LTN1: variants seen among roughly 807,000 people sequenced by gnomAD.
The protein encoded by LTN1 is listerin E3 ubiquitin protein ligase 1, also known as E3 ubiquitin-protein ligase listerin.
Under a neutral mutation model 201.2 loss-of-function variants are expected in LTN1, and 88 were observed. The observed-to-expected ratio is 0.44, with a 90% CI of 0.37 to 0.52. The LOEUF is 0.52. Ranked by LOEUF, LTN1 falls within the 20% of genes least tolerant of loss-of-function variation. The pLI, the probability that LTN1 is intolerant of heterozygous loss-of-function variation, is 0.00. For synonymous variants in LTN1, 645 were observed against 713.5 expected, an observed-to-expected ratio of 0.90 and a Z score of 1.53; for missense variants, 1,752 against 2,038.7, an observed-to-expected ratio of 0.86 and a Z score of 2.71.
At chr21:28,990,503 A>C (rs1200226548) in intron 1 of LTN1, among the ~76,000 whole-genome samples, 1 of 152,216 alleles carries the variant, frequency 6.6e-6, no homozygotes. Context: ...GGGTGCTCAA[A>C]CCATTAGGTG....
chr21:28,968,030 T>G lies in LTN1; in HGVS notation c.1312-851A>C, dbSNP rs1328690536. On this transcript the variant is annotated intron_variant, in intron 9 of 29. Coordinates refer to ENST00000361371, the MANE Select transcript of LTN1 (RefSeq NM_015565.3). ...TTTCCACTCACAGAAGGTAAAAAAT[T>G]GAAAAGTTCAATTTTCAAGAGAAAA... 1.4e-4 allele frequency: 21 copies of G among 152,186 alleles called. 1 individual carries two copies. Among genetic ancestry groups the G allele is most frequent in the Admixed American group, 1.3e-3 (20 of 15,288 alleles). The allele number at this position is 152,186 out of a possible 1,614,324, so 9.4% of individuals were successfully genotyped here. A position where few individuals can be genotyped will look rare whatever the true frequency, so the allele number is the denominator to read the frequency against.
In LTN1 at chr21:28,931,317, T is replaced by C; in HGVS notation, c.5076A>G (p.Gly1692=). Residue 1692 remains glycine, a synonymous_variant, in exon 29 of 30, where the codon GGA becomes GGG. Transcript: ENST00000361371. ...QLSTYLTHQN[G]SIMEGLALWK... is the part of the protein sequence containing the mutation. ...ATAAAGCTAAGCCTTCCATAATACT[T>C]CCATTCTGTTAACAAGAAGAAAAAT... The C allele has an allele frequency of 2.5e-6, 4 of 1,588,990 alleles. No individual in the cohort carries two copies. The highest frequency in any genetic ancestry group is 3.4e-6 in the Non-Finnish European group (4 of 1,167,096).
intron 1 of LTN1, among the ~76,000 whole-genome samples, chr21:28,991,473 G>C (rs1183671251): frequency 6.6e-6 from 1 of 152,124 alleles, no homozygotes; most frequent in African/African-American, 2.4e-5. Flanking sequence ...GATGTATTTA[G>C]GAGTTAAGAG....
intron 6 of LTN1, among the ~76,000 whole-genome samples, chr21:28,978,119 C>T (rs2084630947): frequency 6.6e-6 from 1 of 151,972 alleles, no homozygotes; most frequent in African/African-American, 2.4e-5. Context: ...GCCTTGACTT[C>T]CTGGGATCAA....
chr21:28,981,393 T>A, intron 5 of LTN1, 94 bp from the exon 6 acceptor site: 1 of 662,742 alleles, frequency 1.5e-6, no homozygotes, highest in South Asian at 5.4e-5. Flanking sequence ...TCATTAAATA[T>A]CTACCAAAGT....
intron 25 of LTN1, among the ~76,000 whole-genome samples, chr21:28,939,934 G>A (rs2084284437): frequency 6.6e-6 from 1 of 152,172 alleles, no homozygotes; most frequent in Non-Finnish European, 1.5e-5. Context: ...TGCTGCTTCT[G>A]TGATTTGACT....
chr21:28,947,653 C>T (rs2084349058), intron 18 of LTN1, 47 bp from the exon 19 acceptor site: 1 of 1,225,706 alleles, frequency 8.2e-7, no homozygotes, highest in Non-Finnish European at 1.1e-6. Context: ...TCCAAACATA[C>T]AGTTATTTTA....
chr21:28,972,749 C>T (rs138867626), intron 6 of LTN1, among the ~76,000 whole-genome samples: 34 of 152,152 alleles, frequency 2.2e-4, no homozygotes, highest in African/African-American at 7.0e-4. Context: ...GAAGGAAATA[C>T]CTAGAGATAA....
Position 28,930,525 on chromosome 21 carries a change from G to T in LTN1, c.5239-15C>A, listed in dbSNP as rs777165899. 8 of 1,583,058 alleles carry T rather than the reference G, an allele frequency of 5.1e-6. No homozygotes were observed. Among genetic ancestry groups the T allele is most frequent in the African/African-American group, 2.7e-5 (2 of 74,058 alleles). ...AACCATTTGTACTGAAAAAGAAAAGGTTTTAAATACTAAAAGAACTTTTAA... is the reference window on the plus strand; with the variant it reads ...AACCATTTGTACTGAAAAAGAAAAGTTTTTAAATACTAAAAGAACTTTTAA... On this transcript the variant is annotated splice_polypyrimidine_tract_variant and intron_variant, in intron 29 of 29. Coordinates refer to ENST00000361371, the MANE Select transcript of LTN1 (RefSeq NM_015565.3).
chr21:28,929,439 G>A lies in LTN1; in HGVS notation c.*1009C>T, dbSNP rs1178669773. On this transcript the variant is annotated 3_prime_UTR_variant, in exon 30 of 30. Coordinates refer to ENST00000361371, the MANE Select transcript of LTN1 (RefSeq NM_015565.3). ...AGCCTATTATACTGAATTTTACCTA[G>A]TGCTAAAATCCTTAACTTTCATTTC... 6.6e-6 allele frequency: 1 copy of A among 152,312 alleles called. No individual in the cohort carries two copies. Among genetic ancestry groups the A allele is most frequent in the African/African-American group, 2.4e-5 (1 of 41,400 alleles). 9.4% of individuals were successfully genotyped at this position (152,312 alleles called of 1,614,324 possible). A position where few individuals can be genotyped will look rare whatever the true frequency, so the allele number is the denominator to read the frequency against.
chr21:28,987,048 T>C (rs1430083665), intron 1 of LTN1, 114 bp from the exon 2 acceptor site: 3 of 677,820 alleles, frequency 4.4e-6, no homozygotes, highest in Non-Finnish European at 7.3e-6. Flanking sequence ...TATTTTCTTT[T>C]TTCCTAGCCT....
At chr21:28,946,365 A>G (rs1201400433) in intron 19 of LTN1, 78 bp from the exon 20 acceptor site, 24 of 926,542 alleles carry the variant, frequency 2.6e-5, no homozygotes, top group Non-Finnish European at 4.7e-6. Context: ...CCACTTTGAG[A>G]AGTAAAAGAC....
In LTN1 at chr21:28,969,570, A is replaced by T. The variant is rs2084556332; in HGVS notation, c.1207T>A (p.Leu403Ile). ...LSTERTKTSS[L>I]ESSAVISAFF... ...GCAGATATTACTGCCGAGGACTCTA[A>T]AGAGCTGGTTTTAGTTCTCTCTGTT... The change falls in exon 9 of 30, where the codon TTA (leucine) becomes ATA (isoleucine). Residue 403 changes from leucine (L) to isoleucine (I), a missense_variant. Around this residue, in one of 3 missense-constraint regions of LTN1, gnomAD observed 1,211 missense variants for 1,312.8 expected, o/e 0.92. Coordinates refer to ENST00000361371, the MANE Select transcript of LTN1 (RefSeq NM_015565.3). The T allele has an allele frequency of 9.3e-6, 15 of 1,608,450 alleles. No homozygotes were observed. Among genetic ancestry groups the T allele is most frequent in the African/African-American group, 1.3e-5 (1 of 74,560 alleles).
Position 28,928,297 on chromosome 21 carries a change from T to C in LTN1, c.*2151A>G, listed in dbSNP as rs929229682. ...AGAATTTTAATGGGCACATATGGTA[T>C]AACAATCAAATAATAACATTAATTA... On this transcript the variant is annotated 3_prime_UTR_variant, in exon 30 of 30. Coordinates refer to ENST00000361371, the MANE Select transcript of LTN1 (RefSeq NM_015565.3). The C allele has an allele frequency of 6.6e-6, 1 of 152,598 alleles. No individual in the cohort carries two copies. The highest frequency in any genetic ancestry group is 2.4e-5 in the African/African-American group (1 of 41,440). 9.5% of individuals were successfully genotyped at this position (152,598 alleles called of 1,614,324 possible).
chr21:28,945,984 A>C, intron 20 of LTN1, 33 bp from the exon 21 acceptor site: 1 of 1,568,678 alleles, frequency 6.4e-7, no homozygotes, highest in Non-Finnish European at 8.7e-7. Flanking sequence ...AGACAATAAA[A>C]GATTATATTG....
Position 28,992,811 on chromosome 21 carries a change from C to G in LTN1, c.-6G>C, listed in dbSNP as rs768923107. ...TGCTTGTTCTTCCCGCCCATGGTCG[C>G]GGTTGCAGCTGTACTCTGAGCACTC... is the stretch of plus-strand genomic sequence containing the variant. On this transcript the variant is annotated 5_prime_UTR_variant, in exon 1 of 30. Transcript: ENST00000361371. The G allele has an allele frequency of 1.9e-5, 31 of 1,614,108 alleles. No individual in the cohort carries two copies. The highest frequency in any genetic ancestry group is 2.5e-5 in the Non-Finnish European group (29 of 1,180,044).
chr21:28,960,575 A>G lies in LTN1; in HGVS notation c.2295T>C (p.Ser765=). 2 of 1,613,918 alleles carry G rather than the reference A, an allele frequency of 1.2e-6. No homozygotes were observed. Among genetic ancestry groups the G allele is most frequent in the Non-Finnish European group, 1.7e-6 (2 of 1,179,880 alleles). Residue 765 remains serine, a synonymous_variant, in exon 12 of 30, where the codon TCT becomes TCC. Coordinates refer to ENST00000361371, the MANE Select transcript of LTN1 (RefSeq NM_015565.3). ...GAAGAGTCCATCTTTCTGAGAAGTG[A>G]GATTCTGAAGATACCCTGGATTCCA... The part of the protein sequence containing the change: ...EDLESRVSSE[S]HFSERWTLLS...
Position 28,966,503 on chromosome 21 carries a change from T to C in LTN1, c.1988A>G (p.Tyr663Cys), listed in dbSNP as rs778472388. The change falls in exon 10 of 30, where the codon TAC becomes TGC. Residue 663 changes from tyrosine to cysteine, a missense_variant. By Grantham distance (194) the Tyr-to-Cys change is radical. Around this residue, in one of 3 missense-constraint regions of LTN1, gnomAD observed 1,211 missense variants for 1,312.8 expected, o/e 0.92. Transcript: ENST00000361371. ...VQKNPAVQFL[Y>C]QKLIGWLNED... Reference sequence around the variant, plus strand: ...ATTTAGCCAACCTATCAGTTTCTGGTATAAAAACTGCACCGCAGGATTTTT... The same window carrying C: ...ATTTAGCCAACCTATCAGTTTCTGGCATAAAAACTGCACCGCAGGATTTTT... The C allele has an allele frequency of 1.9e-6, 3 of 1,614,016 alleles. No homozygotes were observed. The highest frequency in any genetic ancestry group is 2.5e-6 in the Non-Finnish European group (3 of 1,180,012).
intron 9 of LTN1, among the ~76,000 whole-genome samples, chr21:28,968,567 C>T (rs2084545297): frequency 6.6e-6 from 1 of 151,972 alleles, no homozygotes; most frequent in Non-Finnish European, 1.5e-5. Context: ...AAACTTACTA[C>T]AAAAGATCAT....
Sources: allele counts gnomAD v4.1 joint callset (sites outside exome capture counted in the v4.1 genomes callset), GRCh38; gene constraint gnomAD v4.1.1; regional missense constraint gnomAD v4.1.1; transcripts MANE v1.5; gene names NCBI Gene and HGNC (gene_info 2026-07-23, HGNC 2026-07-21).